LYPD6B: variants seen among roughly 807,000 people sequenced by gnomAD.
The protein encoded by LYPD6B is LY6/PLAUR domain containing 6B, also known as ly6/PLAUR domain-containing protein 6B.
Under a neutral mutation model 22.8 loss-of-function variants are expected in LYPD6B, and 17 were observed. The observed-to-expected ratio is 0.75, with a 90% CI of 0.51 to 1.12. The LOEUF is 1.12. LYPD6B is among the 50% of genes most tolerant of loss of function. The probability of loss-of-function intolerance (pLI) is 0.00; values close to 1 mark genes in which losing one functional copy is unlikely to be tolerated. For missense variants in LYPD6B, 221 were observed against 258.3 expected (o/e 0.86, Z 0.99); for synonymous variants, 106 against 91.6 (o/e 1.16, Z -0.90).
chr2:149,176,116 C>T (rs11682355), intron 3 of LYPD6B, among the ~76,000 whole-genome samples: 47,109 of 152,080 alleles, frequency 0.31, 9,069 homozygotes, highest in East Asian at 0.55. Context: ...AGTTTGTTTA[C>T]ACCAGCATCA....
intron 1 of LYPD6B, among the ~76,000 whole-genome samples, chr2:149,067,438 G>A (rs189614902): frequency 4.6e-5 from 7 of 152,002 alleles, no homozygotes; most frequent in Admixed American, 3.9e-4. Flanking sequence ...TGCTATGAGA[G>A]CTTCAGAAAA....
intron 1 of LYPD6B, among the ~76,000 whole-genome samples, chr2:149,073,101 G>T (rs1213233514): frequency 6.6e-6 from 1 of 152,140 alleles, no homozygotes; most frequent in African/African-American, 2.4e-5. Flanking sequence ...GTCACTGCTG[G>T]GTTTAATGAT....
intron 1 of LYPD6B, among the ~76,000 whole-genome samples, chr2:149,092,024 G>T (rs750689840): frequency 1.3e-5 from 2 of 151,994 alleles, no homozygotes; most frequent in Non-Finnish European, 2.9e-5. Flanking sequence ...AGGGTGGGTG[G>T]GGAGTGTGGG....
At chr2:149,107,908 T>A (rs563991089) in intron 1 of LYPD6B, among the ~76,000 whole-genome samples, 12 of 152,200 alleles carry the variant, frequency 7.9e-5, no homozygotes, top group Non-Finnish European at 1.5e-4. Flanking sequence ...CCTTACTAAT[T>A]GTTTTTCTAC....
At chr2:149,129,887 C>T (rs1391569780) in intron 1 of LYPD6B, among the ~76,000 whole-genome samples, 1 of 151,658 alleles carries the variant, frequency 6.6e-6, no homozygotes, top group East Asian at 1.9e-4. Context: ...AGCCTGGGAC[C>T]TGCCAACAAG....
chr2:149,163,707 C>G (rs1193562630), intron 3 of LYPD6B, among the ~76,000 whole-genome samples: 1 of 152,090 alleles, frequency 6.6e-6, no homozygotes, highest in Non-Finnish European at 1.5e-5. Context: ...TATTTTTTCC[C>G]CCTGTGTCCT....
intron 1 of LYPD6B, among the ~76,000 whole-genome samples, chr2:149,084,071 C>T (rs983081858): frequency 6.6e-6 from 1 of 152,024 alleles, no homozygotes; most frequent in Non-Finnish European, 1.5e-5. Flanking sequence ...TGCACTCCTG[C>T]CTGGGCGACA....
intron 1 of LYPD6B, among the ~76,000 whole-genome samples, chr2:149,120,377 A>ATTTTTTTTTTTT (rs1343156188): frequency 2.3e-5 from 1 of 43,142 alleles, no homozygotes; most frequent in African/African-American, 1.4e-4. Flanking sequence ...ATATATATAT[A>ATTTTTTTTTTTT]TATATATTTT....
intron 1 of LYPD6B, among the ~76,000 whole-genome samples, chr2:149,104,304 G>A (rs1403203524): frequency 6.6e-6 from 1 of 152,136 alleles, no homozygotes; most frequent in Non-Finnish European, 1.5e-5. Flanking sequence ...TGGTAGTTGT[G>A]TAGACAGTGT....
intron 1 of LYPD6B, among the ~76,000 whole-genome samples, chr2:149,103,160 C>G (rs1686293985): frequency 6.6e-6 from 1 of 152,078 alleles, no homozygotes; most frequent in South Asian, 2.1e-4. Flanking sequence ...GTTTTCAGTC[C>G]TCTTTAGATG....
At chr2:149,150,681 C>G (rs1403670303) in intron 2 of LYPD6B, among the ~76,000 whole-genome samples, 1 of 151,936 alleles carries the variant, frequency 6.6e-6, no homozygotes, top group Non-Finnish European at 1.5e-5. Context: ...TTTTGCTGGG[C>G]CTTCTCTCAG....
chr2:149,075,981 G>A (rs1460967124), intron 1 of LYPD6B, among the ~76,000 whole-genome samples: 1 of 152,200 alleles, frequency 6.6e-6, no homozygotes, highest in African/African-American at 2.4e-5. Flanking sequence ...TGAGGCAGGA[G>A]GCTGACGGAG....
chr2:149,182,250 G>T (rs1316024976), intron 3 of LYPD6B, among the ~76,000 whole-genome samples: 2 of 152,110 alleles, frequency 1.3e-5, no homozygotes, highest in Non-Finnish European at 2.9e-5. Context: ...ATTATATGCT[G>T]CCCTGTGCTT....
At chr2:149,189,722 C>T (rs1332083548) in intron 3 of LYPD6B, among the ~76,000 whole-genome samples, 1 of 152,092 alleles carries the variant, frequency 6.6e-6, no homozygotes, top group African/African-American at 2.4e-5. Context: ...CATTCTTAAT[C>T]AGCTTTTATT....
At chr2:149,096,784 A>G (rs1685922140) in intron 1 of LYPD6B, among the ~76,000 whole-genome samples, 1 of 152,206 alleles carries the variant, frequency 6.6e-6, no homozygotes, top group African/African-American at 2.4e-5. Flanking sequence ...AGTTGCGGGT[A>G]GGTAAAGGTC....
intron 2 of LYPD6B, among the ~76,000 whole-genome samples, chr2:149,136,621 C>T (rs1257428428): frequency 3.9e-5 from 6 of 152,190 alleles, no homozygotes; most frequent in African/African-American, 7.2e-5. Flanking sequence ...TAAGGAAAAA[C>T]ACCCAATAGA....
chr2:149,067,749 AT>A (rs1444480272), intron 1 of LYPD6B, among the ~76,000 whole-genome samples: 3 of 152,088 alleles, frequency 2.0e-5, no homozygotes, highest in Admixed American at 6.5e-5. Context: ...TGGTATAATC[AT>A]TAATGTCTCA....
intron 1 of LYPD6B, among the ~76,000 whole-genome samples, chr2:149,071,170 T>G (rs755810786): frequency 7.2e-5 from 11 of 152,254 alleles, no homozygotes; most frequent in Non-Finnish European, 1.6e-4. Context: ...ATAGCAATAC[T>G]TAATTAACTG....
chr2:149,077,891 A>G (rs186603042), intron 1 of LYPD6B, among the ~76,000 whole-genome samples: 72 of 152,346 alleles, frequency 4.7e-4, no homozygotes, highest in Admixed American at 4.4e-3. Context: ...TCAGAAAGAA[A>G]GTGAGTTGGA....
Sources: allele counts gnomAD v4.1 joint callset (sites outside exome capture counted in the v4.1 genomes callset), GRCh38; gene constraint gnomAD v4.1.1; transcripts MANE v1.5; gene names NCBI Gene and HGNC (gene_info 2026-07-23, HGNC 2026-07-21).